Variants in OTOG observed in about 807,000 individuals in gnomAD.
OTOG encodes otogelin.
Under a neutral mutation model 313.8 loss-of-function variants are expected in OTOG, and 296 were observed. The observed-to-expected ratio is 0.94, with a 90% CI of 0.86 to 1.04. The LOEUF is 1.04. Among genes scored for constraint, OTOG ranks in the 50% least tolerant of loss-of-function variants. OTOG has a pLI of 0.00. For synonymous variants in OTOG, 1,533 were observed against 1,554.9 expected, an observed-to-expected ratio of 0.99 and a Z score of 0.33; for missense variants, 3,948 against 3,840.1, an observed-to-expected ratio of 1.03 and a Z score of -0.74.
chr11:17,588,406 GT>G (rs2134052658), intron 24 of OTOG, among the ~76,000 whole-genome samples: 1 of 152,256 alleles, frequency 6.6e-6, no homozygotes, highest in African/African-American at 2.4e-5. Context: ...TCCCAGCTCT[GT>G]GTTCCGTGTC....
At chr11:17,561,465 G>C (rs989082053) in intron 14 of OTOG, among the ~76,000 whole-genome samples, 197 bp from the exon 15 acceptor site, 1 of 152,132 alleles carries the variant, frequency 6.6e-6, no homozygotes, top group Non-Finnish European at 1.5e-5. Flanking sequence ...GGGCAGGGCT[G>C]TACCTCTCTT....
intron 28 of OTOG, among the ~76,000 whole-genome samples, chr11:17,595,309 T>A (rs1853065945): frequency 6.6e-6 from 1 of 152,216 alleles, no homozygotes; most frequent in Non-Finnish European, 1.5e-5. Flanking sequence ...CTCTTGCTAA[T>A]CCCATTCGGC....
At chr11:17,558,045 T>C (rs1852091791) in intron 8 of OTOG, 140 bp from the exon 9 acceptor site, 4 of 1,097,744 alleles carry the variant, frequency 3.6e-6, no homozygotes, top group South Asian at 1.7e-5. Flanking sequence ...GAAACCCTGA[T>C]TGGGATGGGA....
At chr11:17,630,146 A>AG (rs1854083832) in intron 40 of OTOG, among the ~76,000 whole-genome samples, 1 of 152,156 alleles carries the variant, frequency 6.6e-6, no homozygotes, top group African/African-American at 2.4e-5. Flanking sequence ...ACATATTGCC[A>AG]TGTACCAGTC....
Position 17,638,537 on chromosome 11 carries a change from T to C in OTOG, c.7882T>C (p.Tyr2628His). Residue 2628 changes from tyrosine to histidine, a missense_variant, in exon 48 of 56, where the codon TAC becomes CAC. Tyr to His is a moderately conservative substitution (Grantham distance 83). Transcript: ENST00000399397. ...GTGGAGCCCCGACCGCTGCTGCCCCTACAAATCCTGTGGTGAGTCCGTGGT... is the reference window on the plus strand; with the variant it reads ...GTGGAGCCCCGACCGCTGCTGCCCCCACAAATCCTGTGGTGAGTCCGTGGT... ...EVWSPDRCCP[Y>H]KSCECDCDTI... 1 of 1,550,394 alleles carries C rather than the reference T, an allele frequency of 6.4e-7. No homozygotes were observed.
Position 17,576,625 on chromosome 11 carries a change from C to T in OTOG, c.2556C>T (p.Gly852=). The T allele has an allele frequency of 1.3e-6, 2 of 1,549,524 alleles. No homozygotes were observed. Among genetic ancestry groups the T allele is most frequent in the South Asian group, 2.4e-5 (2 of 84,036 alleles). ...GAGACAGTGACATCCCATCCCTGGG[C>T]CACTGGTGAGCTCCGTAGGTAGCAG... The part of the protein sequence containing the change: ...PPGDSDIPSL[G]HCHCKDGVMS... The change falls in exon 21 of 56, where the codon GGC becomes GGT. Residue 852 remains glycine (G), a synonymous_variant. Coordinates refer to ENST00000399397, the MANE Select transcript of OTOG (RefSeq NM_001292063.2).
At chr11:17,580,540 C>T (rs1315592923) in intron 23 of OTOG, among the ~76,000 whole-genome samples, 1 of 152,166 alleles carries the variant, frequency 6.6e-6, no homozygotes, top group African/African-American at 2.4e-5. Context: ...CATGCTCTTC[C>T]CCATGATGGG....
chr11:17,634,974 G>C, intron 45 of OTOG, 26 bp downstream of exon 45: 1 of 1,526,792 alleles, frequency 6.5e-7, no homozygotes, highest in African/African-American at 1.4e-5. Flanking sequence ...TGGGGAGGGT[G>C]GGGGACGGAC....
intron 7 of OTOG, among the ~76,000 whole-genome samples, chr11:17,556,628 G>A (rs1270018748): frequency 1.3e-5 from 2 of 152,204 alleles, no homozygotes; most frequent in Non-Finnish European, 2.9e-5. Context: ...CTTGTGGCTA[G>A]TTAGACAGTA....
intron 39 of OTOG, among the ~76,000 whole-genome samples, chr11:17,619,897 G>A (rs1001286500): frequency 1.4e-4 from 21 of 151,812 alleles, no homozygotes; most frequent in East Asian, 3.9e-4. Flanking sequence ...TCTTCTGCTC[G>A]AAAGACTTCC....
intron 35 of OTOG, 54 bp from the exon 36 acceptor site, chr11:17,609,601 A>AC: frequency 7.2e-7 from 1 of 1,395,412 alleles, no homozygotes; most frequent in Non-Finnish European, 9.6e-7. Flanking sequence ...CCCAGCAATG[A>AC]CCCCCGGGGC....
Position 17,610,748 on chromosome 11 carries a change from T to A in OTOG, c.5448T>A (p.Ser1816=). The A allele has an allele frequency of 6.5e-7, 1 of 1,550,008 alleles. No homozygotes were observed. The highest frequency in any genetic ancestry group is 1.2e-5 in the South Asian group (1 of 84,054). ...TSLPLAKVGT[S]APVATPGPKA... ...TGCCCCTGGCCAAGGTGGGCACATCTGCCCCAGTGGCCACACCCGGCCCCA... is the reference window on the plus strand; with the variant it reads ...TGCCCCTGGCCAAGGTGGGCACATCAGCCCCAGTGGCCACACCCGGCCCCA... The change falls in exon 36 of 56, where the codon TCT becomes TCA. Residue 1816 remains serine (S), a synonymous_variant. Coordinates refer to ENST00000399397, the MANE Select transcript of OTOG (RefSeq NM_001292063.2).
intron 33 of OTOG, among the ~76,000 whole-genome samples, chr11:17,606,716 T>G (rs757627253): frequency 2.0e-5 from 3 of 152,210 alleles, no homozygotes; most frequent in Non-Finnish European, 4.4e-5. Context: ...TCTTCACTGT[T>G]TTCTCTGTCT....
intron 24 of OTOG, among the ~76,000 whole-genome samples, chr11:17,591,027 T>C (rs1442098254): frequency 6.6e-6 from 1 of 152,204 alleles, no homozygotes; most frequent in Non-Finnish European, 1.5e-5. Context: ...ATTTAGTGTA[T>C]CTCTTCTCCC....
intron 39 of OTOG, among the ~76,000 whole-genome samples, chr11:17,622,944 TA>T (rs1853898912): frequency 6.6e-6 from 1 of 152,226 alleles, no homozygotes; most frequent in South Asian, 2.1e-4. Context: ...AGTGGAGAAC[TA>T]ATTTACATTC....
At chr11:17,597,620 A>G (rs1272886994) in intron 30 of OTOG, among the ~76,000 whole-genome samples, 1 of 152,262 alleles carries the variant, frequency 6.6e-6, no homozygotes, top group Non-Finnish European at 1.5e-5. Context: ...GCGTACATAG[A>G]TATGCATCCA....
chr11:17,581,756 A>T (rs879309348), intron 23 of OTOG, among the ~76,000 whole-genome samples: 1 of 152,146 alleles, frequency 6.6e-6, no homozygotes, highest in Non-Finnish European at 1.5e-5. Flanking sequence ...AAATTCCCTA[A>T]TGTTGGCGCC....
intron 24 of OTOG, among the ~76,000 whole-genome samples, chr11:17,591,239 A>G (rs1023111646): frequency 6.6e-6 from 1 of 152,198 alleles, no homozygotes; most frequent in Non-Finnish European, 1.5e-5. Flanking sequence ...CCCATTATTT[A>G]TTGGCTGTGT....
chr11:17,560,866 C>T lies in OTOG; in HGVS notation c.1451+49C>T, dbSNP rs970174818. ...AGGGTGTGGGGCATGGCCGCTGAGG[C>T]TTTCCACGAGGGCTGCCCATCTGGG... is the stretch of plus-strand genomic sequence containing the variant. On this transcript the variant is annotated intron_variant, in intron 13 of 55. Coordinates refer to ENST00000399397, the MANE Select transcript of OTOG (RefSeq NM_001292063.2). 58 of 1,468,686 alleles carry T rather than the reference C, an allele frequency of 3.9e-5. No individual in the cohort carries two copies. In the African/African-American group the frequency reaches 7.8e-4, roughly 20 times the overall value. 91.0% of individuals were successfully genotyped at this position (1,468,686 alleles called of 1,614,324 possible).
Sources: gnomAD v4.1 joint callset for allele counts (sites outside exome capture counted in the v4.1 genomes callset) on GRCh38, gnomAD v4.1.1 for gene constraint, MANE v1.5 for transcripts, NCBI Gene and HGNC (gene_info 2026-07-23, HGNC 2026-07-21) for gene names.